Variants in CDIN1 observed in about 807,000 individuals in gnomAD.
The protein encoded by CDIN1 is CDAN1 interacting nuclease 1, also known as CDAN1-interacting nuclease 1.
In CDIN1, 33 loss-of-function variants were observed where a neutral mutation model predicts 45.3. The observed-to-expected ratio is 0.73, with a 90% CI of 0.55 to 0.97. CDIN1 has a LOEUF of 0.97. CDIN1 is among the 50% of genes least tolerant of loss of function. The pLI, the probability that CDIN1 is intolerant of heterozygous loss-of-function variation, is 0.00. For missense variants in CDIN1, 303 were observed against 339.4 expected (o/e 0.89, Z 0.84); for synonymous variants, 118 against 124.4 (o/e 0.95, Z 0.34).
At chr15:36,714,811 C>T (rs1054090869) in intron 10 of CDIN1, among the ~76,000 whole-genome samples, 1 of 152,154 alleles carries the variant, frequency 6.6e-6, no homozygotes, top group Admixed American at 6.6e-5. Context: ...GGTGAATGAA[C>T]CTGAAAGGGC....
chr15:36,604,774 A>G (rs778627808), intron 1 of CDIN1, among the ~76,000 whole-genome samples: 65 of 152,308 alleles, frequency 4.3e-4, no homozygotes, highest in Non-Finnish European at 8.1e-4. Context: ...TATTTAACAT[A>G]TTGTGGTGAT....
chr15:36,582,551 T>C (rs190432916), intron 1 of CDIN1, among the ~76,000 whole-genome samples: 1 of 152,338 alleles, frequency 6.6e-6, no homozygotes, highest in East Asian at 1.9e-4. Context: ...TCACCATTGT[T>C]TTTGTACCAT....
chr15:36,696,414 G>T (rs564103063), intron 7 of CDIN1: 8 of 152,320 alleles, frequency 5.3e-5, no homozygotes, highest in Middle Eastern at 6.8e-3. Context: ...GTGAAACAAA[G>T]AAGTTTCTAA....
intron 1 of CDIN1, among the ~76,000 whole-genome samples, chr15:36,605,902 G>A (rs1000005759): frequency 6.6e-6 from 1 of 152,164 alleles, no homozygotes; most frequent in Non-Finnish European, 1.5e-5. Flanking sequence ...ACGGCTTGAA[G>A]TCATTAACAT....
At chr15:36,760,605 G>C (rs186715129) in intron 10 of CDIN1, among the ~76,000 whole-genome samples, 1 of 152,192 alleles carries the variant, frequency 6.6e-6, no homozygotes, top group African/African-American at 2.4e-5. Flanking sequence ...CTCTTCCACA[G>C]AAATTTTAAG....
chr15:36,607,114 A>G (rs1389172439), intron 1 of CDIN1, among the ~76,000 whole-genome samples: 1 of 152,164 alleles, frequency 6.6e-6, no homozygotes, highest in African/African-American at 2.4e-5. Context: ...TTTAAGTGTC[A>G]CTGGAAATCT....
At chr15:36,712,680 G>A (rs959537368) in intron 10 of CDIN1, among the ~76,000 whole-genome samples, 1 of 152,054 alleles carries the variant, frequency 6.6e-6, no homozygotes, top group Non-Finnish European at 1.5e-5. Flanking sequence ...TTCTTACTCA[G>A]CTTAACTAAC....
At chr15:36,647,537 G>A (rs1048867444) in intron 3 of CDIN1, 1 of 152,206 alleles carries the variant, frequency 6.6e-6, no homozygotes, top group Non-Finnish European at 1.5e-5. Context: ...CCAACCTGCT[G>A]TCTGACTTTC....
At chr15:36,592,503 C>T (rs1246627409) in intron 1 of CDIN1, among the ~76,000 whole-genome samples, 1 of 152,072 alleles carries the variant, frequency 6.6e-6, no homozygotes, top group African/African-American at 2.4e-5. Flanking sequence ...GTTTTTACAC[C>T]CCCTTTGTTC....
chr15:36,737,205 T>C (rs2044060813), intron 10 of CDIN1, among the ~76,000 whole-genome samples: 1 of 151,918 alleles, frequency 6.6e-6, no homozygotes, highest in Admixed American at 6.6e-5. Context: ...ACACTGCCCT[T>C]TTGCATGCCT....
At chr15:36,663,664 T>C (rs1008409375) in intron 5 of CDIN1, among the ~76,000 whole-genome samples, 6 of 152,132 alleles carry the variant, frequency 3.9e-5, no homozygotes, top group Non-Finnish European at 8.8e-5. Flanking sequence ...TAACCAGGAT[T>C]TGTGTAATTC....
intron 10 of CDIN1, among the ~76,000 whole-genome samples, chr15:36,762,942 G>A (rs1381772536): frequency 2.6e-5 from 4 of 151,892 alleles, no homozygotes; most frequent in Admixed American, 1.3e-4. Context: ...GAATAGTGCC[G>A]CAATAAACAT....
intron 1 of CDIN1, 129 bp from the exon 2 acceptor site, chr15:36,644,149 C>A: frequency 1.2e-6 from 1 of 861,832 alleles, no homozygotes. Flanking sequence ...TCTGGAACAA[C>A]TTTTCCACAC....
chr15:36,774,739 C>T (rs2054176674), intron 10 of CDIN1, among the ~76,000 whole-genome samples: 1 of 152,082 alleles, frequency 6.6e-6, no homozygotes, highest in South Asian at 2.1e-4. Context: ...GTTATTCAGG[C>T]CATCTTACAC....
chr15:36,739,245 A>G (rs2044145665), intron 10 of CDIN1, among the ~76,000 whole-genome samples: 4 of 152,194 alleles, frequency 2.6e-5, no homozygotes, highest in African/African-American at 9.7e-5. Flanking sequence ...AAAAAACAAA[A>G]ACAAATTTAA....
chr15:36,757,006 A>G (rs2053626878), intron 10 of CDIN1, among the ~76,000 whole-genome samples: 1 of 152,178 alleles, frequency 6.6e-6, no homozygotes, highest in Admixed American at 6.6e-5. Flanking sequence ...CGGAAAGTGA[A>G]AAGGCTTCAG....
chr15:36,590,800 A>G (rs1035055233), intron 1 of CDIN1, among the ~76,000 whole-genome samples: 3 of 152,194 alleles, frequency 2.0e-5, no homozygotes, highest in African/African-American at 7.2e-5. Flanking sequence ...ACTTAAGACT[A>G]TTGAAAATCC....
chr15:36,691,945 G>A (rs62002329), intron 6 of CDIN1, among the ~76,000 whole-genome samples, 181 bp downstream of exon 6: 3,363 of 137,844 alleles, frequency 0.024, 52 homozygotes, highest in Admixed American at 0.037. Context: ...TGCTTTTATA[G>A]TGAATAAAAA....
At chr15:36,662,577 G>C (rs2041058982) in intron 5 of CDIN1, among the ~76,000 whole-genome samples, 1 of 151,964 alleles carries the variant, frequency 6.6e-6, no homozygotes, top group Non-Finnish European at 1.5e-5. Context: ...CATCCAGTAG[G>C]TGTTTAGATC....
Sources: gnomAD v4.1 joint callset for allele counts (sites outside exome capture counted in the v4.1 genomes callset) on GRCh38, gnomAD v4.1.1 for gene constraint, MANE v1.5 for transcripts, NCBI Gene and HGNC (gene_info 2026-07-23, HGNC 2026-07-21) for gene names.